DPP10: variants seen among roughly 807,000 people sequenced by gnomAD.
DPP10 encodes the protein inactive dipeptidyl peptidase 10.
In DPP10, 33 loss-of-function variants were observed where a neutral mutation model predicts 120.9. That is an observed-to-expected ratio of 0.27 (90% confidence interval 0.21 to 0.37). The LOEUF (loss-of-function observed/expected upper bound fraction) is 0.37. DPP10 is among the 10% of genes least tolerant of loss of function. The probability of loss-of-function intolerance (pLI) is 1.00; values close to 1 mark genes in which losing one functional copy is unlikely to be tolerated. For synonymous variants in DPP10, 337 were observed against 326.1 expected (o/e 1.03, Z -0.36); for missense variants, 816 against 942.8 (o/e 0.87, Z 1.76).
chr2:115,263,906 A>G (rs2059355928), intron 1 of DPP10, among the ~76,000 whole-genome samples: 1 of 152,134 alleles, frequency 6.6e-6, no homozygotes, highest in South Asian at 2.1e-4. Flanking sequence ...ACACACACAC[A>G]TACTCATTAT....
rs994745403 is a variant in DPP10 at position 115,117,962 on chromosome 2, G to T, written c.61-191277G>T. 5.3e-5 allele frequency among the ~76,000 whole-genome samples: 8 copies of T among 152,134 alleles called. No homozygotes were observed. In the East Asian group the frequency reaches 7.7e-4, roughly 15 times the overall value. ...AATATCAGGATATTAAGTAAAACTA[G>T]GTTTTCAAATGCAATAACCACTCAC... On this transcript the variant is annotated intron_variant, in intron 1 of 25. Coordinates refer to ENST00000410059, the MANE Select transcript of DPP10 (RefSeq NM_020868.6).
intron 1 of DPP10, among the ~76,000 whole-genome samples, chr2:114,655,956 A>G (rs1370971918): frequency 6.6e-6 from 1 of 152,158 alleles, no homozygotes; most frequent in Non-Finnish European, 1.5e-5. Flanking sequence ...ATGACTTCCA[A>G]TCAAATTTAG....
At chr2:115,416,345 A>G (rs2069429462) in intron 3 of DPP10, among the ~76,000 whole-genome samples, 2 of 152,118 alleles carry the variant, frequency 1.3e-5, no homozygotes, top group South Asian at 2.1e-4. Context: ...ATTCCTTCCT[A>G]TATTTTGATC....
At chr2:114,962,266 C>T (rs1207548431) in intron 1 of DPP10, among the ~76,000 whole-genome samples, 2 of 152,062 alleles carry the variant, frequency 1.3e-5, no homozygotes, top group African/African-American at 4.8e-5. Flanking sequence ...TGTTTTTTTA[C>T]ATTTGTTTCC....
intron 5 of DPP10, among the ~76,000 whole-genome samples, chr2:115,588,023 A>G (rs2082399151): frequency 6.6e-6 from 1 of 152,192 alleles, no homozygotes; most frequent in African/African-American, 2.4e-5. Context: ...TGGCATGTAA[A>G]CTATTATACT....
chr2:114,870,538 C>A, intron 1 of DPP10, among the ~76,000 whole-genome samples: 1 of 82,564 alleles, frequency 1.2e-5, no homozygotes, highest in African/African-American at 3.6e-5. Context: ...AAAAAGTAGT[C>A]AGGTAGAAAG....
intron 1 of DPP10, among the ~76,000 whole-genome samples, chr2:114,851,027 C>T (rs1688907575): frequency 6.6e-6 from 1 of 152,206 alleles, no homozygotes; most frequent in Admixed American, 6.5e-5. Flanking sequence ...TGAATGAATT[C>T]TCTAGAGAGA....
rs369305260 is a variant in DPP10, at chr2:115,294,418, T to C, written c.61-14821T>C. On this transcript the variant is annotated intron_variant, in intron 1 of 25. Transcript: ENST00000410059. ...GCTCACGTACACAAGTAGGTAAATT[T>C]TTGTTTTTTGTTTTTGTTTTTTTTT... is the stretch of plus-strand genomic sequence containing the variant. Among the ~76,000 whole-genome samples, 95 of 152,046 alleles carry C rather than the reference T, an allele frequency of 6.2e-4. 1 individual carries two copies. The Middle Eastern group carries it at 0.034, about 54-fold the overall frequency.
At chr2:114,888,155 A>G (rs1692230227) in intron 1 of DPP10, among the ~76,000 whole-genome samples, 1 of 151,914 alleles carries the variant, frequency 6.6e-6, no homozygotes, top group South Asian at 2.1e-4. Flanking sequence ...AAAAAAAAAA[A>G]AAAAAGAAAA....
intron 2 of DPP10, among the ~76,000 whole-genome samples, chr2:115,336,812 A>G (rs1231229370): frequency 6.6e-6 from 1 of 151,960 alleles, no homozygotes; most frequent in East Asian, 1.9e-4. Context: ...GTGTCTCAAA[A>G]TGATTTACAA....
intron 1 of DPP10, among the ~76,000 whole-genome samples, chr2:114,841,346 G>C (rs1049195600): frequency 9.9e-5 from 15 of 152,168 alleles, no homozygotes; most frequent in African/African-American, 3.1e-4. Flanking sequence ...AAATAAAATA[G>C]TTGATTGCAA....
At chr2:115,729,258 G>GT (rs2092840177) in intron 8 of DPP10, among the ~76,000 whole-genome samples, 3 of 152,282 alleles carry the variant, frequency 2.0e-5, no homozygotes, top group Middle Eastern at 3.4e-3. Flanking sequence ...AATCTGGTTA[G>GT]TTCTGGCAGT....
At chr2:115,667,608 C>G (rs1471518762) in intron 5 of DPP10, among the ~76,000 whole-genome samples, 1 of 152,030 alleles carries the variant, frequency 6.6e-6, no homozygotes, top group East Asian at 1.9e-4. Flanking sequence ...AGTCCTTTCC[C>G]CATTGCTTGT....
chr2:115,536,142 G>C (rs920887213), intron 5 of DPP10, among the ~76,000 whole-genome samples: 2 of 151,940 alleles, frequency 1.3e-5, no homozygotes, highest in Non-Finnish European at 2.9e-5. Flanking sequence ...TAGAAATAAT[G>C]CCTCTATCCA....
chr2:115,117,158 T>A (rs889209009), intron 1 of DPP10, among the ~76,000 whole-genome samples: 1 of 152,234 alleles, frequency 6.6e-6, no homozygotes, highest in Non-Finnish European at 1.5e-5. Context: ...ACTCAATTAG[T>A]ATCTGGTGAT....
intron 1 of DPP10, among the ~76,000 whole-genome samples, chr2:114,448,935 T>C (rs1465240121): frequency 2.0e-5 from 3 of 152,216 alleles, no homozygotes; most frequent in Admixed American, 2.0e-4. Flanking sequence ...CTAAATGATA[T>C]TGTAAGGTGT....
chr2:115,182,429 C>G (rs2054139296), intron 1 of DPP10, among the ~76,000 whole-genome samples: 1 of 152,166 alleles, frequency 6.6e-6, no homozygotes, highest in Admixed American at 6.5e-5. Context: ...AAAGATTTCA[C>G]AGAAGAAAGC....
chr2:114,992,524 TG>T (rs1167757370), intron 1 of DPP10, among the ~76,000 whole-genome samples: 1 of 152,182 alleles, frequency 6.6e-6, no homozygotes, highest in Non-Finnish European at 1.5e-5. Flanking sequence ...CAGTCCTTTT[TG>T]GGGTTATGTT....
intron 19 of DPP10, among the ~76,000 whole-genome samples, chr2:115,796,032 T>G (rs1684489888): frequency 6.6e-6 from 1 of 152,148 alleles, no homozygotes; most frequent in Non-Finnish European, 1.5e-5. Flanking sequence ...CATCATTGAT[T>G]AAAGCTCTGC....
Sources: allele counts gnomAD v4.1 joint callset (sites outside exome capture counted in the v4.1 genomes callset), GRCh38; gene constraint gnomAD v4.1.1; transcripts MANE v1.5; gene names NCBI Gene and HGNC (gene_info 2026-07-23, HGNC 2026-07-21).